Variants in KIF6 observed in about 807,000 individuals in gnomAD.
The protein encoded by KIF6 is kinesin family member 6.
Under a neutral mutation model 112.7 loss-of-function variants are expected in KIF6, and 106 were observed. That is an observed-to-expected ratio of 0.94 (90% CI 0.80 to 1.11). The LOEUF (loss-of-function observed/expected upper bound fraction) is 1.11, where lower values mean the gene tolerates loss of function less well. KIF6 is among the 50% of genes least tolerant of loss of function. The probability of loss-of-function intolerance (pLI) is 0.00; values close to 1 mark genes in which losing one functional copy is unlikely to be tolerated. For synonymous variants in KIF6, 339 were observed against 339.9 expected (o/e 1.00, Z 0.03); for missense variants, 929 against 964.0 (o/e 0.96, Z 0.48).
chr6:39,704,178 G>A (rs116684065), intron 3 of KIF6, among the ~76,000 whole-genome samples: 2,177 of 152,216 alleles, frequency 0.014, 23 homozygotes, highest in Non-Finnish European at 0.025. Context: ...GCCAAAAATG[G>A]ATGATAGCTA....
intron 15 of KIF6, among the ~76,000 whole-genome samples, chr6:39,419,384 G>A (rs1770180511): frequency 2.1e-5 from 3 of 143,072 alleles, no homozygotes; most frequent in African/African-American, 7.6e-5. Context: ...AAGAGAATTC[G>A]AGGCACATTT....
chr6:39,547,131 T>C (rs906172410), intron 10 of KIF6, among the ~76,000 whole-genome samples: 1 of 152,332 alleles, frequency 6.6e-6, no homozygotes, highest in African/African-American at 2.4e-5. Flanking sequence ...ATGAAAATAT[T>C]TGCATACTTT....
At chr6:39,709,419 C>T (rs978624961) in intron 3 of KIF6, among the ~76,000 whole-genome samples, 1 of 152,162 alleles carries the variant, frequency 6.6e-6, no homozygotes, top group African/African-American at 2.4e-5. Context: ...GGTTTGTGCT[C>T]CTATGAGGAT....
At chr6:39,432,166 T>C (rs1325614822) in intron 13 of KIF6, among the ~76,000 whole-genome samples, 2 of 152,180 alleles carry the variant, frequency 1.3e-5, no homozygotes, top group Admixed American at 6.5e-5. Flanking sequence ...TCTGGTGAAA[T>C]GTAAGTTTCT....
intron 18 of KIF6, 82 bp downstream of exon 18, chr6:39,360,312 GC>G: frequency 2.0e-6 from 3 of 1,510,632 alleles, no homozygotes; most frequent in Middle Eastern, 2.3e-4. Flanking sequence ...GTGGGTCAAA[GC>G]CCCCACTGTG....
rs551248492 is a variant in KIF6 at position 39,452,422 on chromosome 6, T to G, written c.1646-21261A>C. Among the ~76,000 whole-genome samples, 54 of 152,340 alleles carry G rather than the reference T, an allele frequency of 3.5e-4. 1 individual carries two copies. The South Asian group carries it at 9.5e-3, about 27-fold the overall frequency. ...CCAAGCCCAGGAAGCTGCCTTTCAC[T>G]TCATTGGGTTCACTAATGAGCTTTT... On this transcript the variant is annotated intron_variant, in intron 13 of 22. Coordinates refer to ENST00000287152, the MANE Select transcript of KIF6 (RefSeq NM_145027.6).
At chr6:39,375,051 G>C (rs1035348010) in intron 16 of KIF6, among the ~76,000 whole-genome samples, 1 of 152,178 alleles carries the variant, frequency 6.6e-6, no homozygotes, top group East Asian at 1.9e-4. Flanking sequence ...AGGAAATTCT[G>C]TCATTTCCAA....
At chr6:39,720,655 A>G (rs1790155791) in intron 2 of KIF6, 47 bp downstream of exon 2, 2 of 952,438 alleles carry the variant, frequency 2.1e-6, no homozygotes. Flanking sequence ...TACAAGAGTT[A>G]GTTCAATAAT....
At chr6:39,346,367 G>A (rs972380418) in intron 20 of KIF6, 109 bp downstream of exon 20, 2 of 710,016 alleles carry the variant, frequency 2.8e-6, no homozygotes, top group African/African-American at 1.8e-5. Flanking sequence ...TCTCATGAAT[G>A]GGATTAGAGT....
At chr6:39,514,130 T>C (rs959368320) in intron 13 of KIF6, among the ~76,000 whole-genome samples, 1 of 152,230 alleles carries the variant, frequency 6.6e-6, no homozygotes, top group Non-Finnish European at 1.5e-5. Context: ...ATTTCATACC[T>C]ACTTTTGAAT....
At chr6:39,520,280 T>C (rs1777315942) in intron 13 of KIF6, among the ~76,000 whole-genome samples, 1 of 152,204 alleles carries the variant, frequency 6.6e-6, no homozygotes, top group African/African-American at 2.4e-5. Flanking sequence ...GTGTCTCAAA[T>C]ATTGCATAAG....
At chr6:39,661,479 G>A (rs1347650307) in intron 3 of KIF6, among the ~76,000 whole-genome samples, 2 of 151,992 alleles carry the variant, frequency 1.3e-5, no homozygotes, top group Admixed American at 6.6e-5. Flanking sequence ...TATGTGTAAA[G>A]AATTCATTCT....
At chr6:39,360,881 C>CT (rs2150258536) in intron 17 of KIF6, among the ~76,000 whole-genome samples, 1 of 152,164 alleles carries the variant, frequency 6.6e-6, no homozygotes, top group East Asian at 1.9e-4. Context: ...CTCCTCACAA[C>CT]CCTATGAAGG....
intron 15 of KIF6, among the ~76,000 whole-genome samples, chr6:39,415,283 A>G (rs1047201760): frequency 6.1e-5 from 9 of 147,436 alleles, no homozygotes; most frequent in Non-Finnish European, 1.3e-4. Context: ...AATCGCCAAT[A>G]CAGAGATTTT....
chr6:39,602,174 C>CT (rs1000493778), intron 6 of KIF6, among the ~76,000 whole-genome samples: 5 of 151,998 alleles, frequency 3.3e-5, no homozygotes, highest in African/African-American at 1.2e-4. Flanking sequence ...TTATCAGTTT[C>CT]TTTTTTAGGG....
intron 3 of KIF6, 53 bp downstream of exon 3, chr6:39,714,639 G>A: frequency 8.3e-7 from 1 of 1,198,034 alleles, no homozygotes; most frequent in Admixed American, 1.7e-5. Flanking sequence ...TCTGAGAATT[G>A]AAGGCAACAT....
chr6:39,645,696 T>G (rs1785131037), intron 3 of KIF6, among the ~76,000 whole-genome samples: 2 of 152,294 alleles, frequency 1.3e-5, no homozygotes, highest in South Asian at 2.1e-4. Flanking sequence ...GGATTCCCTC[T>G]TTTTCTATTG....
rs571860189 is a variant in KIF6, at chr6:39,419,994, T to A, written c.1764A>T (p.Glu588Asp). 4 of 1,612,820 alleles carry A rather than the reference T, an allele frequency of 2.5e-6. No homozygotes were observed. In the African/African-American group the frequency reaches 5.3e-5, roughly 22 times the overall value. ...NKQILKQRFS[E>D]AKALGESINE... ...TTATACTTTCTCCCAGGGCCTTGGCTTCAGAAAATCTGGAGGGGAAAAAAA... is the reference window on the plus strand; with the variant it reads ...TTATACTTTCTCCCAGGGCCTTGGCATCAGAAAATCTGGAGGGGAAAAAAA... Residue 588 changes from glutamate (E) to aspartate (D), a missense_variant, in exon 15 of 23, where the codon GAA becomes GAT. Coordinates refer to ENST00000287152, the MANE Select transcript of KIF6 (RefSeq NM_145027.6).
intron 3 of KIF6, among the ~76,000 whole-genome samples, chr6:39,661,000 G>A (rs1394749782): frequency 1.3e-5 from 2 of 151,998 alleles, no homozygotes; most frequent in Non-Finnish European, 1.5e-5. Context: ...CTTTTTCCCT[G>A]AGAGCTGCAA....
Sources: gnomAD v4.1 joint callset for allele counts (sites outside exome capture counted in the v4.1 genomes callset) on GRCh38, gnomAD v4.1.1 for gene constraint, MANE v1.5 for transcripts, NCBI Gene and HGNC (gene_info 2026-07-23, HGNC 2026-07-21) for gene names.